The following ZFHX3 variants were observed in gnomAD, a reference collection of about 807,000 sequenced individuals.
ZFHX3 encodes the protein zinc finger homeobox 3.
In ZFHX3, 42 loss-of-function variants were observed where a neutral mutation model predicts 279.1. That is an observed-to-expected ratio of 0.15 (90% CI 0.12 to 0.19). The LOEUF (loss-of-function observed/expected upper bound fraction) is 0.19, where lower values mean the gene tolerates loss of function less well. Among genes scored for constraint, ZFHX3 ranks in the 10% least tolerant of loss-of-function variants. ZFHX3 has a pLI of 1.00. For synonymous variants in ZFHX3, 2,293 were observed against 1,957.8 expected (o/e 1.17, Z -4.52); for missense variants, 4,981 against 4,754.0 (o/e 1.05, Z -1.40).
intron 7 of ZFHX3, among the ~76,000 whole-genome samples, chr16:73,105,742 G>A (rs556624390): frequency 6.6e-6 from 1 of 152,108 alleles, no homozygotes; most frequent in African/African-American, 2.4e-5. Flanking sequence ...GAGAGAGTGA[G>A]CCTCTGTCTC....
chr16:73,782,197 TA>T (rs1277985878), intron 1 of ZFHX3, among the ~76,000 whole-genome samples: 2 of 152,188 alleles, frequency 1.3e-5, no homozygotes, highest in African/African-American at 4.8e-5. Context: ...ATGACAAATG[TA>T]AATCTTGAGA....
rs1224035187 is a variant in ZFHX3, at chr16:72,797,013, T to C, written c.5669A>G (p.Gln1890Arg). 6.2e-7 allele frequency: 1 copy of C among 1,614,108 alleles called. No homozygotes were observed. Among genetic ancestry groups the C allele is most frequent in the Non-Finnish European group, 8.5e-7 (1 of 1,180,014 alleles). The change falls in exon 9 of 10, where the codon CAG becomes CGG. Residue 1890 changes from glutamine to arginine, a missense_variant. Physicochemically the swap from Gln to Arg is conservative, Grantham distance 43. Coordinates refer to ENST00000268489, the MANE Select transcript of ZFHX3 (RefSeq NM_006885.4). ...CCCCTCGGCGCTGTCCCTCTCTCTC[T>C]GGCTTTCTTTTTCCTTTTCTTTGAT... ...LVIKEKEKES[Q>R]RERDSAEGGE...
At chr16:73,726,965 C>T (rs1327724617) in intron 1 of ZFHX3, among the ~76,000 whole-genome samples, 2 of 152,168 alleles carry the variant, frequency 1.3e-5, no homozygotes. Context: ...CAGACATTGT[C>T]AACATTCCCT....
chr16:73,342,898 G>A (rs577457172), intron 3 of ZFHX3, among the ~76,000 whole-genome samples: 69 of 152,298 alleles, frequency 4.5e-4, no homozygotes, highest in African/African-American at 1.6e-3. Context: ...ACTGTGTGGG[G>A]GCTGGGGAAC....
chr16:72,954,623 T>C (rs1047899000), intron 2 of ZFHX3, among the ~76,000 whole-genome samples: 2 of 152,152 alleles, frequency 1.3e-5, no homozygotes, highest in Non-Finnish European at 2.9e-5. Flanking sequence ...GGCTGGCTAC[T>C]TGGGAAACAC....
At chr16:73,635,153 G>T (rs1373642458) in intron 2 of ZFHX3, among the ~76,000 whole-genome samples, 2 of 152,098 alleles carry the variant, frequency 1.3e-5, no homozygotes, top group African/African-American at 4.8e-5. Flanking sequence ...TTTTTCCTAG[G>T]TAATCTTGTC....
chr16:73,217,782 A>G (rs1222430720), intron 5 of ZFHX3, among the ~76,000 whole-genome samples: 1 of 152,156 alleles, frequency 6.6e-6, no homozygotes, highest in African/African-American at 2.4e-5. Flanking sequence ...AAGGCACAAA[A>G]GAAGCCTCCC....
intron 1 of ZFHX3, among the ~76,000 whole-genome samples, chr16:73,840,782 A>G (rs1323749505): frequency 6.6e-6 from 1 of 152,198 alleles, no homozygotes; most frequent in Non-Finnish European, 1.5e-5. Flanking sequence ...TAAGCCCATG[A>G]CAATATTTTG....
intron 1 of ZFHX3, among the ~76,000 whole-genome samples, chr16:73,786,198 C>G (rs1959640039): frequency 6.6e-6 from 1 of 151,858 alleles, no homozygotes; most frequent in Non-Finnish European, 1.5e-5. Context: ...TAACAGCATC[C>G]TACTCTTATT....
intron 3 of ZFHX3, chr16:73,401,390 A>ACACACACACACACACACC: frequency 6.6e-6 from 1 of 151,474 alleles, no homozygotes; most frequent in South Asian, 2.1e-4. Flanking sequence ...ACACACACAC[A>ACACACACACACACACACC]CACACACACA....
At chr16:73,385,900 T>C (rs901322845) in intron 3 of ZFHX3, among the ~76,000 whole-genome samples, 15 of 152,268 alleles carry the variant, frequency 9.9e-5, no homozygotes, top group Admixed American at 9.8e-4. Context: ...AGGATGTTCC[T>C]GTGCCTTGTG....
intron 1 of ZFHX3, among the ~76,000 whole-genome samples, chr16:73,043,035 C>A (rs1965171472): frequency 6.6e-6 from 1 of 152,038 alleles, no homozygotes; most frequent in African/African-American, 2.4e-5. Flanking sequence ...TCCCAAACCA[C>A]CAGCAGCCAG....
chr16:73,484,261 G>A (rs1263955689), intron 2 of ZFHX3, among the ~76,000 whole-genome samples: 7 of 152,124 alleles, frequency 4.6e-5, no homozygotes, highest in Non-Finnish European at 8.8e-5. Flanking sequence ...ATCTCTTCCT[G>A]GAGCATAGCT....
intron 1 of ZFHX3, among the ~76,000 whole-genome samples, chr16:73,031,406 G>A (rs1023253819): frequency 1.3e-5 from 2 of 152,150 alleles, no homozygotes; most frequent in African/African-American, 4.8e-5. Flanking sequence ...GCAGGTCGGG[G>A]AAGAAAGAGA....
At chr16:73,294,776 C>A (rs995354685) in intron 4 of ZFHX3, among the ~76,000 whole-genome samples, 3 of 149,688 alleles carry the variant, frequency 2.0e-5, no homozygotes, top group Admixed American at 1.3e-4. Flanking sequence ...CGTACCACTG[C>A]ACTCCGGCCT....
Position 73,337,894 on chromosome 16 carries a change from G to GT in ZFHX3, c.-1290-19559_-1290-19558insA, listed in dbSNP as rs201070187. 3.1e-3 allele frequency among the ~76,000 whole-genome samples: 438 copies of GT among 143,456 alleles called. 54 individuals are homozygous for GT. The highest frequency in any genetic ancestry group is 0.018 in the Middle Eastern group (5 of 284). The allele number at this position is 143,456 out of a possible 152,430, so 94.1% of individuals were successfully genotyped here. On this transcript the variant is annotated intron_variant, in intron 3 of 17. Transcript: ENST00000641206. ...AATAAGTCTTCATCTTCCCTTGGCG[G>GT]GGGGGGGGGTCCTCATCCCCTTTTT... is the stretch of plus-strand genomic sequence containing the variant.
intron 1 of ZFHX3, among the ~76,000 whole-genome samples, chr16:73,855,460 C>T (rs1298055250): frequency 6.6e-6 from 1 of 152,078 alleles, no homozygotes; most frequent in African/African-American, 2.4e-5. Context: ...GGGCAGCCCC[C>T]AGAGCAGCTG....
intron 5 of ZFHX3, among the ~76,000 whole-genome samples, chr16:73,158,078 C>A (rs1425145059): frequency 2.6e-5 from 4 of 152,036 alleles, no homozygotes; most frequent in Non-Finnish European, 4.4e-5. Context: ...TTTTGGTAAT[C>A]CTTTGTTGAT....
intron 5 of ZFHX3, among the ~76,000 whole-genome samples, chr16:73,255,438 G>A (rs1020135589): frequency 6.6e-6 from 1 of 152,182 alleles, no homozygotes; most frequent in Non-Finnish European, 1.5e-5. Context: ...TCATGAAGGG[G>A]CACTTGTTAG....
Sources: allele counts gnomAD v4.1 joint callset (sites outside exome capture counted in the v4.1 genomes callset), GRCh38; gene constraint gnomAD v4.1.1; transcripts MANE v1.5; gene names NCBI Gene and HGNC (gene_info 2026-07-23, HGNC 2026-07-21).